The following RSF1 variants were observed in gnomAD, a reference collection of about 807,000 sequenced individuals.
The protein encoded by RSF1 is remodeling and spacing factor 1, also known as HBV pX-associated protein 8.
RSF1 carries 13 observed loss-of-function variants against 145.2 expected under a neutral mutation model. That is an observed-to-expected ratio of 0.09 (90% confidence interval 0.06 to 0.14). RSF1 has a LOEUF of 0.14. Among genes scored for constraint, RSF1 ranks in the 10% least tolerant of loss-of-function variants. RSF1 has a pLI of 1.00. For missense variants in RSF1, 1,517 were observed against 1,718.2 expected (o/e 0.88, Z 2.07); for synonymous variants, 577 against 592.6 (o/e 0.97, Z 0.38).
chr11:77,822,987 G>A (rs1002851260), upstream of RSF1, among the ~76,000 whole-genome samples: 2 of 152,084 alleles, frequency 1.3e-5, no homozygotes, highest in African/African-American at 2.4e-5. Flanking sequence ...AGGTCGAGAC[G>A]GGCGGGTCAC....
chr11:77,706,453 G>T (rs1285921180), intron 5 of RSF1, among the ~76,000 whole-genome samples: 1 of 151,784 alleles, frequency 6.6e-6, no homozygotes, highest in Non-Finnish European at 1.5e-5. Flanking sequence ...TATCTTAGGG[G>T]ACTTTTTGAA....
intron 4 of RSF1, among the ~76,000 whole-genome samples, chr11:77,732,647 T>C (rs567474105): frequency 2.0e-5 from 3 of 152,308 alleles, no homozygotes; most frequent in Admixed American, 2.0e-4. Context: ...TCACGAGATC[T>C]GATGGTTTTA....
At chr11:77,672,473 C>T (rs1312859466) in intron 14 of RSF1, among the ~76,000 whole-genome samples, 1 of 151,770 alleles carries the variant, frequency 6.6e-6, no homozygotes, top group East Asian at 1.9e-4. Flanking sequence ...CCTTTGGCCT[C>T]AGCTGCCCCA....
chr11:77,827,753 C>T, the RSF1 span, among the ~76,000 whole-genome samples: 1 of 152,068 alleles, frequency 6.6e-6, no homozygotes, highest in African/African-American at 2.4e-5. Flanking sequence ...TAATATTATA[C>T]TGGAGGTTGT....
intron 15 of RSF1, 126 bp downstream of exon 15, chr11:77,671,916 G>C: frequency 1.2e-6 from 1 of 849,308 alleles, no homozygotes. Context: ...TTACAGGCGT[G>C]AGCCACCATG....
intron 15 of RSF1, among the ~76,000 whole-genome samples, chr11:77,671,138 AATATATAT>A (rs1225103987): frequency 0.061 from 1,320 of 21,670 alleles, 30 homozygotes; most frequent in Middle Eastern, 0.071. Flanking sequence ...AAAAAAAAAA[AATATATAT>A]ATATATATAT....
intron 6 of RSF1, among the ~76,000 whole-genome samples, chr11:77,700,402 A>G (rs954130778): frequency 6.8e-6 from 1 of 146,876 alleles, no homozygotes; most frequent in East Asian, 2.1e-4. Context: ...TATACCCCAC[A>G]CTGTTAATAG....
At chr11:77,786,415 A>G (rs1590886510) in intron 1 of RSF1, among the ~76,000 whole-genome samples, 4 of 152,208 alleles carry the variant, frequency 2.6e-5, no homozygotes. Context: ...ATTGGCATTT[A>G]AAAATATTTA....
intron 2 of RSF1, among the ~76,000 whole-genome samples, chr11:77,761,739 G>A (rs950234277): frequency 6.6e-6 from 1 of 151,950 alleles, no homozygotes; most frequent in Non-Finnish European, 1.5e-5. Flanking sequence ...CCAAGTAAAA[G>A]GAATGTGAAG....
chr11:77,868,142 G>T, the RSF1 span, among the ~76,000 whole-genome samples: 1 of 147,690 alleles, frequency 6.8e-6, no homozygotes, highest in Non-Finnish European at 1.5e-5. Flanking sequence ...TGCAAGCTCT[G>T]CCTCCCAGGT....
At chr11:77,692,981 T>C (rs1311345801) in intron 8 of RSF1, among the ~76,000 whole-genome samples, 1 of 152,208 alleles carries the variant, frequency 6.6e-6, no homozygotes, top group Non-Finnish European at 1.5e-5. Flanking sequence ...TGGCCTAATC[T>C]ATCATTTTTA....
intron 2 of RSF1, among the ~76,000 whole-genome samples, chr11:77,751,575 A>C (rs1948064201): frequency 6.6e-6 from 1 of 152,236 alleles, no homozygotes; most frequent in South Asian, 2.1e-4. Context: ...ACCAACAGAC[A>C]GGGCCTCGGT....
At chr11:77,696,345 C>T (rs989850040) in intron 7 of RSF1, among the ~76,000 whole-genome samples, 3 of 152,140 alleles carry the variant, frequency 2.0e-5, no homozygotes, top group Admixed American at 1.3e-4. Context: ...GTTCTATATT[C>T]ATTTATACAT....
the RSF1 span, among the ~76,000 whole-genome samples, chr11:77,865,986 T>G: frequency 6.6e-6 from 1 of 152,142 alleles, no homozygotes; most frequent in Non-Finnish European, 1.5e-5. Flanking sequence ...AGAATGTGAC[T>G]CAGGCAGTGT....
At chr11:77,791,080 G>A (rs1481489564) in intron 1 of RSF1, among the ~76,000 whole-genome samples, 3 of 152,236 alleles carry the variant, frequency 2.0e-5, no homozygotes, top group Non-Finnish European at 4.4e-5. Context: ...TGCCCTAGCA[G>A]AGGTTCTCCA....
chr11:77,746,353 T>C (rs1347163994), intron 3 of RSF1, among the ~76,000 whole-genome samples: 1 of 152,174 alleles, frequency 6.6e-6, no homozygotes, highest in Admixed American at 6.5e-5. Context: ...ACCTACTCTA[T>C]AGTCTTATCT....
chr11:77,749,430 G>A (rs1417203148), intron 2 of RSF1, among the ~76,000 whole-genome samples: 4 of 152,092 alleles, frequency 2.6e-5, no homozygotes, highest in African/African-American at 9.7e-5. Context: ...AGAAGATAAC[G>A]TTGGCTGACT....
At chr11:77,728,238 C>T (rs1241285368) in intron 4 of RSF1, among the ~76,000 whole-genome samples, 1 of 152,098 alleles carries the variant, frequency 6.6e-6, no homozygotes, top group Non-Finnish European at 1.5e-5. Context: ...TGGCTAATTC[C>T]AATTACTCTC....
the RSF1 span, among the ~76,000 whole-genome samples, chr11:77,865,873 C>T: frequency 6.6e-6 from 1 of 152,186 alleles, no homozygotes; most frequent in Non-Finnish European, 1.5e-5. Flanking sequence ...GACCATCGGC[C>T]TCAATAGACT....
Sources: allele counts gnomAD v4.1 joint callset (sites outside exome capture counted in the v4.1 genomes callset), GRCh38; gene constraint gnomAD v4.1.1; transcripts MANE v1.5; gene names NCBI Gene and HGNC (gene_info 2026-07-23, HGNC 2026-07-21).